The following PDP2 variants were observed in gnomAD, a reference collection of about 807,000 sequenced individuals.
PDP2 encodes the protein pyruvate dehydrogenase phosphatase catalytic subunit 2, also known as [Pyruvate dehydrogenase [acetyl-transferring]]-phosphatase 2, mitochondrial.
Under a neutral mutation model 34.2 loss-of-function variants are expected in PDP2, and 23 were observed. That is an observed-to-expected ratio of 0.67 (90% CI 0.48 to 0.95). The LOEUF (loss-of-function observed/expected upper bound fraction) is 0.95. PDP2 is among the 40% of genes least tolerant of loss of function. PDP2 has a pLI of 0.00. For synonymous variants in PDP2, 275 were observed against 269.2 expected (o/e 1.02, Z -0.21); for missense variants, 571 against 659.6 (o/e 0.87, Z 1.47).
intron 1 of PDP2, among the ~76,000 whole-genome samples, chr16:66,881,618 A>G (rs527634589): frequency 1.3e-5 from 2 of 152,224 alleles, no homozygotes; most frequent in South Asian, 2.1e-4. Flanking sequence ...GGAAATAACT[A>G]GGATAAAACC....
At chr16:66,883,971 G>A (rs1961623862) in intron 1 of PDP2, among the ~76,000 whole-genome samples, 1 of 151,848 alleles carries the variant, frequency 6.6e-6, no homozygotes, top group Non-Finnish European at 1.5e-5. Flanking sequence ...TCAGGAGATC[G>A]AGACCATCCT....
Position 66,884,644 on chromosome 16 carries a change from G to A in PDP2, c.360G>A (p.Val120=). ...ESNQLAANSP[V]EDRRGVASCL... ...ACCAGCTGGCTGCCAATTCCCCAGT[G>A]GAGGACCGGCGAGGTGTAGCCTCCT... Residue 120 remains valine, a synonymous_variant, in exon 2 of 2, where the codon GTG becomes GTA. Coordinates refer to ENST00000311765, the MANE Select transcript of PDP2 (RefSeq NM_020786.4). 1 of 1,614,254 alleles carries A rather than the reference G, an allele frequency of 6.2e-7. No individual in the cohort carries two copies. Among genetic ancestry groups the A allele is most frequent in the Non-Finnish European group, 8.5e-7 (1 of 1,180,044 alleles).
rs983332404 is a variant in PDP2, at chr16:66,887,692, C to G, written c.*1818C>G. 4 of 167,024 alleles carry G rather than the reference C, an allele frequency of 2.4e-5. No individual in the cohort carries two copies. The highest frequency in any genetic ancestry group is 9.7e-5 in the African/African-American group (4 of 41,448). 10.3% of individuals were successfully genotyped at this position (167,024 alleles called of 1,614,324 possible). ...TCTTGGCTGGGTGCAGTAGTTTACG[C>G]CTGTAATCCCAGCACTGTGGGAGGC... On this transcript the variant is annotated 3_prime_UTR_variant, in exon 2 of 2. Coordinates refer to ENST00000311765, the MANE Select transcript of PDP2 (RefSeq NM_020786.4).
At chr16:66,880,665 G>C (rs1961475340) in intron 1 of PDP2, 25 bp downstream of exon 1, 1 of 152,388 alleles carries the variant, frequency 6.6e-6, no homozygotes, top group Non-Finnish European at 1.5e-5. Flanking sequence ...AGGGTCCGAG[G>C]TAGGGAAGGT....
At position 66,888,263 on chromosome 16, in the gene PDP2, A is replaced by G. The variant is rs965538259; in HGVS notation, c.*2389A>G. On this transcript the variant is annotated 3_prime_UTR_variant, in exon 2 of 2. Transcript: ENST00000311765. ...TTTTTTGTAGAGACAGGGTTTTGCCATGTTGCCCAGGCTGGTCTCAAACTC... is the reference window on the plus strand; with the variant it reads ...TTTTTTGTAGAGACAGGGTTTTGCCGTGTTGCCCAGGCTGGTCTCAAACTC... The G allele has an allele frequency of 9.9e-5, 15 of 151,910 alleles. No individual in the cohort carries two copies. Among genetic ancestry groups the G allele is most frequent in the African/African-American group, 3.4e-4 (14 of 41,318 alleles). The allele number at this position is 151,910 out of a possible 1,614,324, so 9.4% of individuals were successfully genotyped here.
In PDP2 at chr16:66,885,624, A is replaced by G. The variant is rs2145417532; in HGVS notation, c.1340A>G (p.Asn447Ser). 1.2e-6 allele frequency: 2 copies of G among 1,614,080 alleles called. No individual in the cohort carries two copies. The highest frequency in any genetic ancestry group is 1.7e-6 in the Non-Finnish European group (2 of 1,180,022). The change falls in exon 2 of 2, where the codon AAC becomes AGC. Residue 447 changes from asparagine to serine, a missense_variant. Physicochemically the swap from Asn to Ser is conservative, Grantham distance 46. Transcript: ENST00000311765. The surrounding 1 kb of genome is among the most constrained non-coding windows in gnomAD (Gnocchi z 4.6). Reference protein sequence around the residue: ...HKTDLAQRPANLGLMQSLLLQ... With the variant: ...HKTDLAQRPASLGLMQSLLLQ... ...ACAGACCTGGCCCAGAGACCCGCCA[A>G]CTTGGGGCTCATGCAGAGCCTGCTG...
At chr16:66,881,297 G>A (rs1961504794) in intron 1 of PDP2, among the ~76,000 whole-genome samples, 1 of 152,052 alleles carries the variant, frequency 6.6e-6, no homozygotes, top group African/African-American at 2.4e-5. Context: ...GCAGGGGGTG[G>A]GGGAGTGAAG....
At position 66,890,075 on chromosome 16, in the gene PDP2, T is replaced by C. The variant is rs1163529637; in HGVS notation, c.*4201T>C. 2 of 150,566 alleles carry C rather than the reference T, an allele frequency of 1.3e-5. No individual in the cohort carries two copies. Among genetic ancestry groups the C allele is most frequent in the Non-Finnish European group, 2.9e-5 (2 of 67,864 alleles). 9.3% of individuals were successfully genotyped at this position (150,566 alleles called of 1,614,324 possible). ...TGGGTGGATTACCTGAGGTCAGGAG[T>C]TTGAGACCAGCCTGACCAACATGGT... On this transcript the variant is annotated 3_prime_UTR_variant, in exon 2 of 2. Coordinates refer to ENST00000311765, the MANE Select transcript of PDP2 (RefSeq NM_020786.4).
In PDP2 at chr16:66,884,540, C is replaced by A. The variant is rs762166031; in HGVS notation, c.256C>A (p.Leu86Ile). The A allele has an allele frequency of 1.6e-5, 26 of 1,614,088 alleles. No homozygotes were observed. The highest frequency in any genetic ancestry group is 2.1e-5 in the Non-Finnish European group (25 of 1,180,044). The change falls in exon 2 of 2, where the codon CTT becomes ATT. Residue 86 changes from leucine (L) to isoleucine (I), a missense_variant. Around this residue, in one of 2 missense-constraint regions of PDP2, gnomAD observed 290 missense variants for 283.8 expected, o/e 1.02. Transcript: ENST00000311765. ...CAGCCCTGAGCAGATAAATGAAGTG[C>A]TTCGAGCTGGCGAGACAACCCACAA... ...QLSPEQINEVLRAGETTHKIL... is the reference protein window; with the variant it reads ...QLSPEQINEVIRAGETTHKIL...
At position 66,884,438 on chromosome 16, in the gene PDP2, TC is replaced by T; in HGVS notation, c.158del (p.Pro53HisfsTer30). 6.2e-7 allele frequency: 1 copy of T among 1,614,030 alleles called. No individual in the cohort carries two copies. Among genetic ancestry groups the T allele is most frequent in the Non-Finnish European group, 8.5e-7 (1 of 1,180,014 alleles). On this transcript the variant is annotated frameshift_variant, in exon 2 of 2. Coordinates refer to ENST00000311765, the MANE Select transcript of PDP2 (RefSeq NM_020786.4). LOFTEE classifies it high-confidence loss of function. ...CCGGGTGCCACCCACCCTAAACAGT[TC>T]CCCATGTGGTGGCTTTACTCTGTGC... is the stretch of plus-strand genomic sequence containing the variant. Reference protein sequence around the residue: ...FSRVPPTLNSSPCGGFTLCKA... With the variant: ...FSRVPPTLNSXPCGGFTLCKA...
intron 1 of PDP2, among the ~76,000 whole-genome samples, chr16:66,881,276 G>T (rs1961502793): frequency 6.6e-6 from 1 of 152,106 alleles, no homozygotes; most frequent in East Asian, 1.9e-4. Context: ...CGACTTCTGC[G>T]GGGTGGGCTG....
chr16:66,884,411 T>C lies in PDP2; in HGVS notation c.127T>C (p.Ser43Pro). The stretch of plus-strand genomic sequence containing the variant: ...GAATAAATTAAAATGGAGGCTCTTT[T>C]CCCGGGTGCCACCCACCCTAAACAG... ...NRNKLKWRLF[S>P]RVPPTLNSSP... is the part of the protein sequence containing the mutation. The change falls in exon 2 of 2, where the codon TCC (serine) becomes CCC (proline). Residue 43 changes from serine to proline, a missense_variant. Transcript: ENST00000311765. 6.2e-7 allele frequency: 1 copy of C among 1,614,130 alleles called. No individual in the cohort carries two copies. Among genetic ancestry groups the C allele is most frequent in the Non-Finnish European group, 8.5e-7 (1 of 1,180,024 alleles).
Position 66,886,532 on chromosome 16 carries a change from T to C in PDP2, c.*658T>C, listed in dbSNP as rs924216572. The C allele has an allele frequency of 1.7e-5, 8 of 469,072 alleles. No homozygotes were observed. The highest frequency in any genetic ancestry group is 3.1e-5 in the Non-Finnish European group (7 of 225,542). The allele number at this position is 469,072 out of a possible 1,614,324, so 29.1% of individuals were successfully genotyped here. A position where few individuals can be genotyped will look rare whatever the true frequency, so the allele number is the denominator to read the frequency against. On this transcript the variant is annotated 3_prime_UTR_variant, in exon 2 of 2. Transcript: ENST00000311765. The stretch of plus-strand genomic sequence containing the variant: ...TACTGTAAGCATGCTTGGAATGACT[T>C]GTTTTGGTTTTCAGCTGATAGGATC...
In PDP2 at chr16:66,886,593, T is replaced by C. The variant is rs1961776088; in HGVS notation, c.*719T>C. On this transcript the variant is annotated 3_prime_UTR_variant, in exon 2 of 2. Transcript: ENST00000311765. ...GACCAGCTGAACTTACTGGTGCAGCTTTTTGTGCCCTCTACTGAGTCCCAT... is the reference window on the plus strand; with the variant it reads ...GACCAGCTGAACTTACTGGTGCAGCCTTTTGTGCCCTCTACTGAGTCCCAT... 1 of 466,084 alleles carries C rather than the reference T, an allele frequency of 2.1e-6. No homozygotes were observed. Among genetic ancestry groups the C allele is most frequent in the Non-Finnish European group, 4.5e-6 (1 of 223,396 alleles). The allele number at this position is 466,084 out of a possible 1,614,324, so 28.9% of individuals were successfully genotyped here.
In PDP2 at chr16:66,889,133, A is replaced by T. The variant is rs567135080; in HGVS notation, c.*3259A>T. ...AATTGTCAGGTCTTTCAAAGCATTT[A>T]TTATTCCTTTTATACGGAGATTTCA... On this transcript the variant is annotated 3_prime_UTR_variant, in exon 2 of 2. Coordinates refer to ENST00000311765, the MANE Select transcript of PDP2 (RefSeq NM_020786.4). The T allele has an allele frequency of 7.2e-5, 11 of 152,324 alleles. No homozygotes were observed. In the East Asian group the frequency reaches 1.5e-3, roughly 21 times the overall value. The allele number at this position is 152,324 out of a possible 1,614,324, so 9.4% of individuals were successfully genotyped here.
intron 1 of PDP2, among the ~76,000 whole-genome samples, chr16:66,883,865 G>A (rs2145412969): frequency 6.6e-6 from 1 of 152,238 alleles, no homozygotes; most frequent in East Asian, 1.9e-4. Flanking sequence ...GTTTTCAGAA[G>A]TCAGTATTTT....
At position 66,886,416 on chromosome 16, in the gene PDP2, G is replaced by T. The variant is rs568387467; in HGVS notation, c.*542G>T. 1.3e-3 allele frequency: 460 copies of T among 342,302 alleles called. No homozygotes were observed. The highest frequency in any genetic ancestry group is 2.6e-3 in the Admixed American group (76 of 29,166). 21.2% of individuals were successfully genotyped at this position (342,302 alleles called of 1,614,324 possible). On this transcript the variant is annotated 3_prime_UTR_variant, in exon 2 of 2. Coordinates refer to ENST00000311765, the MANE Select transcript of PDP2 (RefSeq NM_020786.4). The stretch of plus-strand genomic sequence containing the variant: ...ATGCAATATCCTAACTTTTTTTTTT[G>T]TGATTATGCTTGTGAGAAATTTTGT...
At position 66,886,495 on chromosome 16, in the gene PDP2, T is replaced by G; in HGVS notation, c.*621T>G. ...TATTTTAAAACTGAATCCTTAAACT[T>G]GCAAACACGCCTACTGTAAGCATGC... On this transcript the variant is annotated 3_prime_UTR_variant, in exon 2 of 2. Transcript: ENST00000311765. 2.2e-6 allele frequency: 1 copy of G among 458,350 alleles called. No homozygotes were observed. The highest frequency in any genetic ancestry group is 1.6e-5 in the South Asian group (1 of 63,654). The allele number at this position is 458,350 out of a possible 1,614,324, so 28.4% of individuals were successfully genotyped here.
Position 66,885,434 on chromosome 16 carries a change from T to C in PDP2, c.1150T>C (p.Tyr384His), listed in dbSNP as rs750871913. 1 of 1,613,774 alleles carries C rather than the reference T, an allele frequency of 6.2e-7. No homozygotes were observed. The highest frequency in any genetic ancestry group is 8.5e-7 in the Non-Finnish European group (1 of 1,180,010). ...TTACCAGTTCACACCCCCACACTAC[T>C]ACACTCCACCCTACCTGACTGCTGA... ...NIYQFTPPHY[Y>H]TPPYLTAEPE... Residue 384 changes from tyrosine (Y) to histidine (H), a missense_variant, in exon 2 of 2, where the codon TAC (tyrosine) becomes CAC (histidine). Tyr to His is a moderately conservative substitution (Grantham distance 83). Coordinates refer to ENST00000311765, the MANE Select transcript of PDP2 (RefSeq NM_020786.4). The surrounding 1 kb of genome is among the most constrained non-coding windows in gnomAD (Gnocchi z 4.6).
Sources: allele counts gnomAD v4.1 joint callset (sites outside exome capture counted in the v4.1 genomes callset), GRCh38; gene constraint gnomAD v4.1.1; regional missense constraint gnomAD v4.1.1; non-coding constraint Gnocchi (gnomAD v3.1); transcripts MANE v1.5; gene names NCBI Gene and HGNC (gene_info 2026-07-23, HGNC 2026-07-21).